The following CTNND2 variants were observed in gnomAD, a reference collection of about 807,000 sequenced individuals.
CTNND2 encodes catenin delta 2.
CTNND2 carries 22 observed loss-of-function variants against 144.4 expected under a neutral mutation model. That is an observed-to-expected ratio of 0.15 (90% confidence interval 0.11 to 0.22). The LOEUF is 0.22. CTNND2 is among the 10% of genes least tolerant of loss of function. CTNND2 has a pLI of 1.00. For missense variants in CTNND2, 1,353 were observed against 1,618.8 expected, an observed-to-expected ratio of 0.84 and a Z score of 2.82; for synonymous variants, 751 against 695.6, an observed-to-expected ratio of 1.08 and a Z score of -1.25.
chr5:11,765,304 A>C (rs1789516894), intron 1 of CTNND2, among the ~76,000 whole-genome samples: 1 of 152,196 alleles, frequency 6.6e-6, no homozygotes, highest in African/African-American at 2.4e-5. Flanking sequence ...GGACGAGCAG[A>C]AGCCGCTCAG....
intron 2 of CTNND2, among the ~76,000 whole-genome samples, chr5:11,644,547 G>A (rs1315137163): frequency 3.3e-5 from 5 of 151,918 alleles, no homozygotes; most frequent in African/African-American, 4.8e-5. Context: ...GGTGGCGGGC[G>A]CCTGTAGTCC....
At chr5:11,837,742 G>T (rs570967109) in intron 1 of CTNND2, among the ~76,000 whole-genome samples, 1 of 151,632 alleles carries the variant, frequency 6.6e-6, no homozygotes, top group African/African-American at 2.4e-5. Context: ...TTTTTCCTTC[G>T]AAAAAAACAA....
intron 11 of CTNND2, among the ~76,000 whole-genome samples, chr5:11,182,168 G>C (rs556871904): frequency 1.4e-5 from 2 of 141,664 alleles, no homozygotes; most frequent in East Asian, 4.3e-4. Context: ...TGTGTGGTGT[G>C]AGTGGGCGTG....
chr5:11,786,223 C>G (rs1303535904), intron 1 of CTNND2, among the ~76,000 whole-genome samples: 1 of 152,208 alleles, frequency 6.6e-6, no homozygotes, highest in Admixed American at 6.5e-5. Context: ...TCAGTAATCA[C>G]AATTCACTTC....
intron 2 of CTNND2, among the ~76,000 whole-genome samples, chr5:11,619,360 A>C (rs1780727515): frequency 6.6e-6 from 1 of 152,210 alleles, no homozygotes; most frequent in Non-Finnish European, 1.5e-5. Context: ...TTGAGCTGAG[A>C]TCATGCCACT....
intron 18 of CTNND2, among the ~76,000 whole-genome samples, chr5:11,013,728 T>C (rs1166939347): frequency 1.3e-5 from 2 of 152,132 alleles, no homozygotes; most frequent in Admixed American, 1.3e-4. Context: ...GGGAAGAAAA[T>C]GACTGCTGGA....
intron 1 of CTNND2, among the ~76,000 whole-genome samples, chr5:11,865,020 C>T (rs1795689685): frequency 6.7e-6 from 1 of 149,840 alleles, no homozygotes; most frequent in African/African-American, 2.4e-5. Context: ...TTCAGCCTCT[C>T]AAGTAGCTGG....
intron 3 of CTNND2, among the ~76,000 whole-genome samples, chr5:11,482,536 A>C (rs1459979716): frequency 6.6e-6 from 1 of 152,086 alleles, no homozygotes; most frequent in African/African-American, 2.4e-5. Flanking sequence ...AGGCGCTAAC[A>C]TTCCAGTGAG....
intron 9 of CTNND2, among the ~76,000 whole-genome samples, chr5:11,305,197 G>A (rs1034351958): frequency 1.3e-5 from 2 of 151,776 alleles, no homozygotes; most frequent in Non-Finnish European, 2.9e-5. Flanking sequence ...CACCCGACAG[G>A]GCAGGTACTA....
chr5:11,530,757 G>T (rs1443941680), intron 3 of CTNND2, among the ~76,000 whole-genome samples: 1 of 152,196 alleles, frequency 6.6e-6, no homozygotes, highest in Admixed American at 6.5e-5. Context: ...ACAACTACGT[G>T]TTTCTAGCTT....
At chr5:11,440,696 A>G (rs1189814801) in intron 3 of CTNND2, among the ~76,000 whole-genome samples, 6 of 152,202 alleles carry the variant, frequency 3.9e-5, no homozygotes, top group Non-Finnish European at 8.8e-5. Context: ...CATTGCTAGA[A>G]TAATGCTAGA....
At chr5:11,459,359 TG>T in intron 3 of CTNND2, among the ~76,000 whole-genome samples, 1 of 152,322 alleles carries the variant, frequency 6.6e-6, no homozygotes, top group Non-Finnish European at 1.5e-5. Context: ...TGCCACTTTA[TG>T]TAGAAAAATA....
intron 2 of CTNND2, among the ~76,000 whole-genome samples, chr5:11,583,083 G>C (rs1778564831): frequency 6.6e-6 from 1 of 152,210 alleles, no homozygotes; most frequent in African/African-American, 2.4e-5. Flanking sequence ...CAAACAGTAA[G>C]CTCTTACATA....
chr5:11,567,332 T>C (rs1777199882), intron 2 of CTNND2, among the ~76,000 whole-genome samples: 1 of 152,176 alleles, frequency 6.6e-6, no homozygotes, highest in African/African-American at 2.4e-5. Flanking sequence ...TGTAGTTTTC[T>C]TCATGTTTCT....
chr5:11,038,343 G>A (rs1744309211), intron 16 of CTNND2, among the ~76,000 whole-genome samples: 1 of 152,168 alleles, frequency 6.6e-6, no homozygotes, highest in South Asian at 2.1e-4. Context: ...GATTCTTACA[G>A]GAGTGTGAGC....
intron 16 of CTNND2, among the ~76,000 whole-genome samples, chr5:11,038,346 G>C (rs886920129): frequency 1.3e-5 from 2 of 152,230 alleles, no homozygotes; most frequent in Non-Finnish European, 2.9e-5. Context: ...TCTTACAGGA[G>C]TGTGAGCCCT....
chr5:11,550,549 A>G (rs1043956131), intron 3 of CTNND2, among the ~76,000 whole-genome samples: 10 of 152,220 alleles, frequency 6.6e-5, no homozygotes, highest in African/African-American at 2.4e-4. Context: ...CCCATTCTCA[A>G]ATAAGTGCAT....
At chr5:11,348,482 G>A (rs1755026813) in intron 8 of CTNND2, among the ~76,000 whole-genome samples, 1 of 150,504 alleles carries the variant, frequency 6.6e-6, no homozygotes, top group Admixed American at 6.6e-5. Flanking sequence ...AGTACATCTG[G>A]CATTTTTCAT....
intron 1 of CTNND2, among the ~76,000 whole-genome samples, chr5:11,751,227 C>T (rs560096455): frequency 6.6e-6 from 1 of 151,894 alleles, no homozygotes; most frequent in South Asian, 2.1e-4. Context: ...GAAGAAAAGA[C>T]AGCTTGTTTC....
Sources: allele counts gnomAD v4.1 joint callset (sites outside exome capture counted in the v4.1 genomes callset), GRCh38; gene constraint gnomAD v4.1.1; transcripts MANE v1.5; gene names NCBI Gene and HGNC (gene_info 2026-07-23, HGNC 2026-07-21).